The following DHX32 variants were observed in gnomAD, a reference collection of about 807,000 sequenced individuals.
DHX32 encodes putative pre-mRNA-splicing factor ATP-dependent RNA helicase DHX32.
A neutral mutation model predicts 70.0 loss-of-function variants in DHX32; 51 were observed. The observed-to-expected ratio is 0.73, with a 90% CI of 0.58 to 0.92. The LOEUF is 0.92. Ranked by LOEUF, DHX32 falls within the 40% of genes least tolerant of loss-of-function variation. DHX32 has a pLI of 0.00. For synonymous variants in DHX32, 310 were observed against 315.3 expected (o/e 0.98, Z 0.18); for missense variants, 762 against 891.8 (o/e 0.85, Z 1.85).
intron 1 of DHX32, among the ~76,000 whole-genome samples, chr10:125,877,485 G>C (rs1005100629): frequency 6.6e-6 from 1 of 152,004 alleles, no homozygotes; most frequent in Non-Finnish European, 1.5e-5. Context: ...CCAGGAGTTC[G>C]AGACCAGCCT....
chr10:125,859,052 T>TG (rs1564827834), intron 3 of DHX32, among the ~76,000 whole-genome samples: 1 of 150,718 alleles, frequency 6.6e-6, no homozygotes, highest in Non-Finnish European at 1.5e-5. Flanking sequence ...TTTGTTTTTT[T>TG]TTTTTTTTTT....
intron 2 of DHX32, among the ~76,000 whole-genome samples, chr10:125,860,241 C>A (rs1411580464): frequency 1.3e-5 from 2 of 152,174 alleles, no homozygotes; most frequent in African/African-American, 2.4e-5. Flanking sequence ...AAGACCTCTG[C>A]CTAAATGTTT....
intron 1 of DHX32, among the ~76,000 whole-genome samples, chr10:125,876,331 T>A (rs1944283739): frequency 6.6e-6 from 1 of 152,240 alleles, no homozygotes; most frequent in South Asian, 2.1e-4. Flanking sequence ...CATTCTCTAT[T>A]TCAATTCCCT....
At chr10:125,854,341 T>C in intron 3 of DHX32, 138 bp from the exon 4 acceptor site, 3 of 757,502 alleles carry the variant, frequency 4.0e-6, no homozygotes, top group Non-Finnish European at 5.8e-6. Flanking sequence ...GCTGCCTACA[T>C]GTATCTTTAA....
upstream of DHX32, among the ~76,000 whole-genome samples, chr10:125,886,184 C>T (rs1239419965): frequency 2.6e-5 from 4 of 152,270 alleles, no homozygotes; most frequent in Non-Finnish European, 5.9e-5. Context: ...ATGTTCCTCC[C>T]TCAGATATCC....
chr10:125,853,874 CT>C, intron 4 of DHX32, 86 bp downstream of exon 4: 1 of 1,504,512 alleles, frequency 6.6e-7, no homozygotes, highest in Non-Finnish European at 8.9e-7. Flanking sequence ...TTCATCCTCA[CT>C]TCCTGATCAG....
At chr10:125,870,882 C>G (rs892689771) in intron 1 of DHX32, among the ~76,000 whole-genome samples, 1 of 152,082 alleles carries the variant, frequency 6.6e-6, no homozygotes, top group Non-Finnish European at 1.5e-5. Context: ...CTCTTTCTAG[C>G]CTAATGGCAA....
At chr10:125,838,480 A>T in intron 9 of DHX32, 93 bp from the exon 10 acceptor site, 8 of 1,191,502 alleles carry the variant, frequency 6.7e-6, no homozygotes, top group Non-Finnish European at 9.1e-6. Context: ...AAAGTATTTT[A>T]TACGGGATAG....
chr10:125,842,828 C>CT (rs1854918276), intron 6 of DHX32: 1 of 936,570 alleles, frequency 1.1e-6, no homozygotes, highest in African/African-American at 1.8e-5. Context: ...CTCTTTATTT[C>CT]TTTTAAGTTT....
chr10:125,838,068 T>G (rs1000536201), intron 10 of DHX32, 138 bp downstream of exon 10: 70 of 748,782 alleles, frequency 9.3e-5, no homozygotes, highest in Non-Finnish European at 1.5e-4. Flanking sequence ...AGGCCTGCCC[T>G]TAGTAGGTAC....
intron 1 of DHX32, among the ~76,000 whole-genome samples, chr10:125,887,917 A>G (rs1384207284): frequency 6.6e-6 from 1 of 152,218 alleles, no homozygotes; most frequent in Non-Finnish European, 1.5e-5. Flanking sequence ...CAATAAGAGA[A>G]ACCAATATAT....
At chr10:125,844,939 A>G (rs1209668905) in intron 6 of DHX32, among the ~76,000 whole-genome samples, 1 of 152,246 alleles carries the variant, frequency 6.6e-6, no homozygotes, top group Non-Finnish European at 1.5e-5. Flanking sequence ...GTGAAGGGCT[A>G]TCATTACAGT....
intron 9 of DHX32, 39 bp downstream of exon 9, chr10:125,838,962 C>T: frequency 1.9e-6 from 3 of 1,584,520 alleles, no homozygotes; most frequent in Non-Finnish European, 2.6e-6. Context: ...ATGTGCAATT[C>T]AGCAGAGCCT....
upstream of DHX32, among the ~76,000 whole-genome samples, chr10:125,884,162 G>A (rs1418754342): frequency 1.3e-5 from 2 of 152,208 alleles, no homozygotes; most frequent in Non-Finnish European, 1.5e-5. Flanking sequence ...GGAGGGTGGA[G>A]TGGCTGAGAC....
upstream of DHX32, among the ~76,000 whole-genome samples, chr10:125,882,976 G>C (rs1033494507): frequency 2.0e-5 from 3 of 152,082 alleles, no homozygotes; most frequent in Non-Finnish European, 4.4e-5. Context: ...ACCAATGATT[G>C]CCTTAGGTAG....
In DHX32 at chr10:125,859,754, G is replaced by C; in HGVS notation, c.698C>G (p.Pro233Arg). ...SKLNSYYGNV[P>R]VIEVKNKHPV... ...GTGTTTATTTTTCACTTCTATGACA[G>C]GCACGTTTCCATAATAAGAATTGAG... Residue 233 changes from proline (P) to arginine (R), a missense_variant, in exon 3 of 11, where the codon CCT becomes CGT. Physicochemically the swap from Pro to Arg is moderately radical, Grantham distance 103. Coordinates refer to ENST00000284690, the MANE Select transcript of DHX32 (RefSeq NM_018180.3). The C allele has an allele frequency of 6.2e-7, 1 of 1,614,082 alleles. No homozygotes were observed. Among genetic ancestry groups the C allele is most frequent in the Non-Finnish European group, 8.5e-7 (1 of 1,180,002 alleles).
chr10:125,869,222 T>A (rs1413735950), intron 1 of DHX32: 1 of 152,212 alleles, frequency 6.6e-6, no homozygotes, highest in African/African-American at 2.4e-5. Flanking sequence ...CTAGGGTCCC[T>A]AGCCAAGACC....
At chr10:125,875,294 C>T (rs949788581) in intron 1 of DHX32, among the ~76,000 whole-genome samples, 2 of 151,958 alleles carry the variant, frequency 1.3e-5, no homozygotes, top group Non-Finnish European at 2.9e-5. Context: ...ACACAGTTCA[C>T]CACTAAACGG....
chr10:125,872,648 T>C (rs2134066536), intron 1 of DHX32, among the ~76,000 whole-genome samples: 1 of 152,326 alleles, frequency 6.6e-6, no homozygotes, highest in Middle Eastern at 3.4e-3. Flanking sequence ...TTTTTTCATG[T>C]TTCTCAATCC....
Sources: allele counts gnomAD v4.1 joint callset (sites outside exome capture counted in the v4.1 genomes callset), GRCh38; gene constraint gnomAD v4.1.1; transcripts MANE v1.5; gene names NCBI Gene and HGNC (gene_info 2026-07-23, HGNC 2026-07-21).